Variants in GRIA4 observed in about 807,000 individuals in gnomAD.
GRIA4 encodes the protein glutamate ionotropic receptor AMPA type subunit 4, also known as glutamate receptor 4.
A neutral mutation model predicts 104.0 loss-of-function variants in GRIA4; 34 were observed. The ratio of observed to expected loss-of-function variants is 0.33; its 90% CI spans 0.25 to 0.44. GRIA4 has a LOEUF of 0.44. Ranked by LOEUF, GRIA4 falls within the 20% of genes least tolerant of loss-of-function variation. GRIA4 has a pLI of 1.00. For missense variants in GRIA4, 750 were observed against 1,096.5 expected (o/e 0.68, Z 4.46); for synonymous variants, 386 against 381.9 (o/e 1.01, Z -0.13).
chr11:105,610,884 T>TGG, intron 1 of GRIA4, 24 bp from the exon 2 acceptor site: 2 of 474,790 alleles, frequency 4.2e-6, no homozygotes, highest in South Asian at 4.5e-5. Flanking sequence ...TTTTTTTTTT[T>TGG]TTTTTGGTTG....
chr11:105,615,242 G>A (rs139832246), intron 3 of GRIA4, among the ~76,000 whole-genome samples: 2,516 of 151,838 alleles, frequency 0.017, 29 homozygotes, highest in Middle Eastern at 0.041. Flanking sequence ...ATTTAATGCT[G>A]GTTCATCTGC....
chr11:105,876,547 C>T (rs186207923), intron 5 of GRIA4, among the ~76,000 whole-genome samples: 3 of 152,192 alleles, frequency 2.0e-5, no homozygotes, highest in Admixed American at 6.5e-5. Flanking sequence ...GTGTGGGAGT[C>T]GAGGTTTCTT....
intron 4 of GRIA4, among the ~76,000 whole-genome samples, chr11:105,806,540 C>A (rs148008067): frequency 7.6e-4 from 116 of 151,954 alleles, no homozygotes; most frequent in African/African-American, 2.1e-3. Flanking sequence ...TCATCCTGTA[C>A]AAATCTGAGT....
intron 4 of GRIA4, among the ~76,000 whole-genome samples, chr11:105,760,883 T>C (rs569393852): frequency 6.6e-6 from 1 of 152,260 alleles, no homozygotes; most frequent in East Asian, 1.9e-4. Context: ...TGGTCAATTT[T>C]AACATATTTC....
chr11:105,897,441 T>C (rs1163100675), intron 6 of GRIA4, among the ~76,000 whole-genome samples: 1 of 152,098 alleles, frequency 6.6e-6, no homozygotes, highest in African/African-American at 2.4e-5. Flanking sequence ...TTGGAGGTAC[T>C]ATGTTAAATA....
intron 4 of GRIA4, among the ~76,000 whole-genome samples, chr11:105,764,755 C>T (rs1940851325): frequency 6.6e-6 from 1 of 151,566 alleles, no homozygotes; most frequent in Non-Finnish European, 1.5e-5. Context: ...CTTCACATTA[C>T]TGTAGCCAGG....
Position 105,898,404 on chromosome 11 carries a change from C to T in GRIA4, c.862C>T (p.Pro288Ser). ...RWKKLDQREY[P>S]GSETPPKYTS... is the part of the protein sequence containing the mutation. ...GAAGAAACTAGATCAGAGAGAGTAT[C>T]CAGGATCTGAGACTCCTCCAAAGGT... is the stretch of plus-strand genomic sequence containing the variant. The change falls in exon 7 of 17, where the codon CCA (proline) becomes TCA (serine). Residue 288 changes from proline to serine, a missense_variant. Pro to Ser is a moderately conservative substitution (Grantham distance 74). Transcript: ENST00000282499. The T allele has an allele frequency of 1.3e-6, 2 of 1,589,646 alleles. No homozygotes were observed. The highest frequency in any genetic ancestry group is 1.7e-6 in the Non-Finnish European group (2 of 1,158,652).
chr11:105,817,865 C>A (rs1431251970), intron 4 of GRIA4, among the ~76,000 whole-genome samples: 1 of 152,074 alleles, frequency 6.6e-6, no homozygotes, highest in Non-Finnish European at 1.5e-5. Context: ...CGATGAAAAA[C>A]AGCCAAAGGA....
intron 5 of GRIA4, among the ~76,000 whole-genome samples, chr11:105,886,415 T>C (rs1048496370): frequency 6.6e-6 from 1 of 152,056 alleles, no homozygotes; most frequent in Admixed American, 6.6e-5. Flanking sequence ...CCTGTTGTGC[T>C]ATAAAACAGT....
intron 3 of GRIA4, among the ~76,000 whole-genome samples, chr11:105,688,656 C>T (rs1201653823): frequency 1.3e-5 from 2 of 152,078 alleles, no homozygotes; most frequent in Admixed American, 6.6e-5. Context: ...TAATATGCAA[C>T]AGAATTGTGT....
intron 4 of GRIA4, among the ~76,000 whole-genome samples, chr11:105,859,614 G>C (rs959355072): frequency 5.3e-5 from 8 of 152,108 alleles, no homozygotes; most frequent in African/African-American, 1.7e-4. Flanking sequence ...CATGAAGCCT[G>C]ACAGCCAGAA....
At chr11:105,835,626 A>G (rs1238828441) in intron 4 of GRIA4, among the ~76,000 whole-genome samples, 1 of 152,026 alleles carries the variant, frequency 6.6e-6, no homozygotes, top group Non-Finnish European at 1.5e-5. Context: ...TCTCACTAAA[A>G]TTTGTGATTC....
At chr11:105,692,804 TTAA>T in intron 3 of GRIA4, among the ~76,000 whole-genome samples, 1 of 152,326 alleles carries the variant, frequency 6.6e-6, no homozygotes, top group Admixed American at 6.5e-5. Flanking sequence ...TGCAAATAAC[TTAA>T]TATAGATTAC....
chr11:105,801,250 A>G (rs1942708173), intron 4 of GRIA4, among the ~76,000 whole-genome samples: 1 of 151,674 alleles, frequency 6.6e-6, no homozygotes, highest in African/African-American at 2.4e-5. Context: ...TAAAATGATG[A>G]ATCAATTTAA....
chr11:105,783,591 T>C (rs1005850766), intron 4 of GRIA4, among the ~76,000 whole-genome samples: 1 of 152,244 alleles, frequency 6.6e-6, no homozygotes, highest in African/African-American at 2.4e-5. Context: ...GCTTCCTTTA[T>C]CGTCCATAGG....
At chr11:105,823,163 C>T (rs1943637985) in intron 4 of GRIA4, among the ~76,000 whole-genome samples, 1 of 152,064 alleles carries the variant, frequency 6.6e-6, no homozygotes, top group Non-Finnish European at 1.5e-5. Flanking sequence ...CATATCACTG[C>T]TTACAAAACT....
At chr11:105,948,448 C>T (rs1008120945) in intron 14 of GRIA4, among the ~76,000 whole-genome samples, 1 of 151,888 alleles carries the variant, frequency 6.6e-6, no homozygotes, top group Non-Finnish European at 1.5e-5. Flanking sequence ...TGAAATAAAT[C>T]TCAAACCACA....
chr11:105,767,500 G>A (rs1429380464), intron 4 of GRIA4, among the ~76,000 whole-genome samples: 1 of 152,042 alleles, frequency 6.6e-6, no homozygotes, highest in Non-Finnish European at 1.5e-5. Context: ...GACCCCTTAT[G>A]TATGTTTTGG....
At chr11:105,865,428 A>G (rs1229316659) in intron 5 of GRIA4, among the ~76,000 whole-genome samples, 1 of 152,184 alleles carries the variant, frequency 6.6e-6, no homozygotes, top group African/African-American at 2.4e-5. Flanking sequence ...TGTTTGCTGA[A>G]TTTGTGATGA....
Sources: gnomAD v4.1 joint callset for allele counts (sites outside exome capture counted in the v4.1 genomes callset) on GRCh38, gnomAD v4.1.1 for gene constraint, MANE v1.5 for transcripts, NCBI Gene and HGNC (gene_info 2026-07-23, HGNC 2026-07-21) for gene names.